The following RABGAP1L variants were observed in gnomAD, a reference collection of about 807,000 sequenced individuals.
RABGAP1L encodes RAB GTPase activating protein 1 like.
A neutral mutation model predicts 137.7 loss-of-function variants in RABGAP1L; 63 were observed. The ratio of observed to expected loss-of-function variants is 0.46; its 90% CI spans 0.37 to 0.56. The LOEUF is 0.56. RABGAP1L is among the 20% of genes least tolerant of loss of function. The pLI is 0.00. For missense variants in RABGAP1L, 1,095 were observed against 1,244.0 expected, an observed-to-expected ratio of 0.88 and a Z score of 1.80; for synonymous variants, 431 against 433.7, an observed-to-expected ratio of 0.99 and a Z score of 0.08.
chr1:174,514,693 C>G (rs1338038805), intron 13 of RABGAP1L, among the ~76,000 whole-genome samples: 1 of 152,124 alleles, frequency 6.6e-6, no homozygotes, highest in Non-Finnish European at 1.5e-5. Flanking sequence ...GTTTCTAGAT[C>G]AAGATGATTT....
rs183929716 is a variant in RABGAP1L, at chr1:174,251,970, C to T, written c.876-510C>T. 5.0e-4 allele frequency among the ~76,000 whole-genome samples: 76 copies of T among 150,752 alleles called. 3 individuals carry two copies. The East Asian group carries it at 5.5e-3, about 11-fold the overall frequency. The stretch of plus-strand genomic sequence containing the variant: ...AGATTGCAGCAGTGCAATCTTGGCT[C>T]ACTGCAACCTCTGCCTCCTGGGTTC... On this transcript the variant is annotated intron_variant, in intron 6 of 25. Coordinates refer to ENST00000681986, the MANE Select transcript of RABGAP1L (RefSeq NM_001366446.1).
chr1:174,515,220 A>G (rs1475695524), intron 13 of RABGAP1L, among the ~76,000 whole-genome samples: 2 of 152,214 alleles, frequency 1.3e-5, no homozygotes, highest in African/African-American at 4.8e-5. Flanking sequence ...ACAGATAATC[A>G]GGAAAATTGA....
intron 12 of RABGAP1L, among the ~76,000 whole-genome samples, chr1:174,379,063 T>C (rs1321428783): frequency 7.0e-6 from 1 of 142,150 alleles, no homozygotes; most frequent in East Asian, 1.9e-4. Context: ...CCATTGCTTG[T>C]TTTTCTCAGG....
At chr1:174,437,456 A>G (rs996683463) in intron 13 of RABGAP1L, among the ~76,000 whole-genome samples, 13 of 152,224 alleles carry the variant, frequency 8.5e-5, no homozygotes, top group African/African-American at 2.9e-4. Flanking sequence ...ATCAACTGGA[A>G]GAAAGGGTAT....
At chr1:174,915,350 GTA>G (rs1284636880) in intron 19 of RABGAP1L, among the ~76,000 whole-genome samples, 1 of 152,158 alleles carries the variant, frequency 6.6e-6, no homozygotes, top group African/African-American at 2.4e-5. Context: ...AATCATTTTT[GTA>G]GTAGTATCTC....
chr1:174,678,959 G>A lies in RABGAP1L; in HGVS notation c.1825-4563G>A, dbSNP rs867068572. 1.6e-4 allele frequency among the ~76,000 whole-genome samples: 25 copies of A among 152,320 alleles called. 1 individual carries two copies. The highest frequency in any genetic ancestry group is 6.2e-4 in the South Asian group (3 of 4,824). On this transcript the variant is annotated intron_variant, in intron 14 of 25. Transcript: ENST00000681986. The stretch of plus-strand genomic sequence containing the variant: ...CAAACAGCAGTGGTGGATGGCAAGC[G>A]AAAGCTCAGCTTGAGCCCTAACAAA...
intron 13 of RABGAP1L, among the ~76,000 whole-genome samples, chr1:174,499,174 C>T (rs1661021559): frequency 6.6e-6 from 1 of 151,884 alleles, no homozygotes; most frequent in Non-Finnish European, 1.5e-5. Context: ...GAGTGGCTTA[C>T]AGTTCATATA....
At chr1:174,940,563 C>T (rs576366775) in intron 19 of RABGAP1L, among the ~76,000 whole-genome samples, 1 of 152,234 alleles carries the variant, frequency 6.6e-6, no homozygotes, top group South Asian at 2.1e-4. Flanking sequence ...CAAGCGTGAG[C>T]CACTGCACCT....
intron 13 of RABGAP1L, among the ~76,000 whole-genome samples, chr1:174,470,086 T>C (rs926497645): frequency 1.3e-5 from 2 of 152,122 alleles, no homozygotes; most frequent in Admixed American, 1.3e-4. Flanking sequence ...CCATGACCCA[T>C]CTTGAATTAT....
At position 174,252,541 on chromosome 1, in the gene RABGAP1L, G is replaced by T. The variant is rs1331949575; in HGVS notation, c.937G>T (p.Val313Phe). 6.2e-7 allele frequency: 1 copy of T among 1,612,994 alleles called. No individual in the cohort carries two copies. Among genetic ancestry groups the T allele is most frequent in the South Asian group, 1.1e-5 (1 of 90,852 alleles). The change falls in exon 7 of 26, where the codon GTT becomes TTT. Residue 313 changes from valine (V) to phenylalanine (F), a missense_variant. Around this residue, in one of 4 missense-constraint regions of RABGAP1L, gnomAD observed 112 missense variants for 157.3 expected, o/e 0.71. Transcript: ENST00000681986. ...ATTAAAGCAAGGAATAGAGAAGAAG[G>T]TTGTGATTACAGTGCAGCAACTTTC... Reference protein sequence around the residue: ...FKLKQGIEKKVVITVQQLSNK... With the variant: ...FKLKQGIEKKFVITVQQLSNK...
intron 11 of RABGAP1L, among the ~76,000 whole-genome samples, chr1:174,348,047 G>A (rs1197244800): frequency 1.3e-5 from 2 of 151,732 alleles, no homozygotes; most frequent in Non-Finnish European, 2.9e-5. Context: ...CTGACATTTT[G>A]TTATTTGTTT....
rs1284792577 is a variant in RABGAP1L, at chr1:174,611,827, G to A, written c.1711-25548G>A. 4.6e-5 allele frequency among the ~76,000 whole-genome samples: 7 copies of A among 152,290 alleles called. No homozygotes were observed. The East Asian group carries it at 1.3e-3, about 29-fold the overall frequency. On this transcript the variant is annotated intron_variant, in intron 13 of 25. Coordinates refer to ENST00000681986, the MANE Select transcript of RABGAP1L (RefSeq NM_001366446.1). ...TATTCTCCTTGAAGCAATTGTGAAT[G>A]GGAGTTCACTCATGATTTGGCTCTC...
At chr1:174,163,135 A>G (rs1664643013) in intron 1 of RABGAP1L, among the ~76,000 whole-genome samples, 1 of 152,170 alleles carries the variant, frequency 6.6e-6, no homozygotes, top group African/African-American at 2.4e-5. Flanking sequence ...GAGTTATGGT[A>G]AAACATACTC....
chr1:174,349,460 A>AC (rs1228865954), intron 11 of RABGAP1L, among the ~76,000 whole-genome samples: 35 of 94,648 alleles, frequency 3.7e-4, no homozygotes, highest in African/African-American at 1.3e-3. Flanking sequence ...CGTGGGGCTG[A>AC]CCCCCCCACC....
intron 13 of RABGAP1L, among the ~76,000 whole-genome samples, chr1:174,426,981 T>C (rs1008784490): frequency 6.6e-6 from 1 of 152,076 alleles, no homozygotes; most frequent in Non-Finnish European, 1.5e-5. Context: ...GCCACACTTA[T>C]CAAAGCTTTA....
chr1:174,893,517 A>C (rs1656621047), intron 19 of RABGAP1L, among the ~76,000 whole-genome samples: 1 of 152,284 alleles, frequency 6.6e-6, no homozygotes, highest in South Asian at 2.1e-4. Context: ...ATATACCTGC[A>C]TAAATTACAG....
intron 13 of RABGAP1L, among the ~76,000 whole-genome samples, chr1:174,459,609 T>C (rs1571906354): frequency 6.6e-6 from 1 of 152,132 alleles, no homozygotes; most frequent in East Asian, 1.9e-4. Flanking sequence ...GTTTAGGGAA[T>C]AGTGACAAGA....
At chr1:174,403,321 CA>C in intron 13 of RABGAP1L, among the ~76,000 whole-genome samples, 1 of 150,270 alleles carries the variant, frequency 6.7e-6, no homozygotes, top group Non-Finnish European at 1.5e-5. Flanking sequence ...CCATGTTGCT[CA>C]AACTGGAGTG....
Position 174,969,250 on chromosome 1 carries a change from C to T in RABGAP1L, c.2434-27C>T. On this transcript the variant is annotated intron_variant, in intron 20 of 25. Coordinates refer to ENST00000681986, the MANE Select transcript of RABGAP1L (RefSeq NM_001366446.1). Reference sequence around the variant, plus strand: ...TTTCTGTATGTCCAGACACTAATGCCCACCTCTGGCTATTGTTCTTCTGCA... The same window carrying T: ...TTTCTGTATGTCCAGACACTAATGCTCACCTCTGGCTATTGTTCTTCTGCA... 7 of 1,498,666 alleles carry T rather than the reference C, an allele frequency of 4.7e-6. No homozygotes were observed. The South Asian group carries it at 4.8e-5, about 10-fold the overall frequency. The allele number at this position is 1,498,666 out of a possible 1,614,324, so 92.8% of individuals were successfully genotyped here. A position where few individuals can be genotyped will look rare whatever the true frequency, so the allele number is the denominator to read the frequency against.
Sources: gnomAD v4.1 joint callset for allele counts (sites outside exome capture counted in the v4.1 genomes callset) on GRCh38, gnomAD v4.1.1 for gene constraint, gnomAD v4.1.1 regional missense constraint, MANE v1.5 for transcripts, NCBI Gene and HGNC (gene_info 2026-07-23, HGNC 2026-07-21) for gene names.